The following ZDHHC13 variants were observed in gnomAD, a reference collection of about 807,000 sequenced individuals.
ZDHHC13 encodes the protein palmitoyltransferase ZDHHC13.
A neutral mutation model predicts 86.0 loss-of-function variants in ZDHHC13; 85 were observed. The ratio of observed to expected loss-of-function variants is 0.99; its 90% CI spans 0.83 to 1.18. The LOEUF is 1.18. ZDHHC13 is among the 50% of genes most tolerant of loss of function. The pLI is 0.00. For synonymous variants in ZDHHC13, 263 were observed against 246.4 expected (o/e 1.07, Z -0.63); for missense variants, 711 against 730.2 (o/e 0.97, Z 0.30).
At position 19,144,432 on chromosome 11, in the gene ZDHHC13, AGTGT is replaced by A. The variant is rs142248923; in HGVS notation, c.173+1340_173+1343del. The stretch of plus-strand genomic sequence containing the variant: ...CTGGGAAGGGCATAGAGAGCTATGG[AGTGT>A]GTGTGTGTGTGTGTGTGTGTGTGTG... On this transcript the variant is annotated intron_variant, in intron 2 of 16. Coordinates refer to ENST00000446113, the MANE Select transcript of ZDHHC13 (RefSeq NM_019028.3). Among the ~76,000 whole-genome samples, 573 of 143,108 alleles carry A rather than the reference AGTGT, an allele frequency of 4.0e-3. 3 individuals are homozygous for A. Among genetic ancestry groups the A allele is most frequent in the African/African-American group, 0.013 (503 of 38,986 alleles). The allele number at this position is 143,108 out of a possible 152,430, so 93.9% of individuals were successfully genotyped here.
chr11:19,173,667 C>T (rs1463993634), intron 16 of ZDHHC13, among the ~76,000 whole-genome samples: 2 of 152,098 alleles, frequency 1.3e-5, no homozygotes, highest in South Asian at 4.2e-4. Context: ...AAAGCAATGG[C>T]GAGTGGAAAG....
chr11:19,152,452 C>T, intron 7 of ZDHHC13, 107 bp from the exon 8 acceptor site: 8 of 1,445,952 alleles, frequency 5.5e-6, no homozygotes, highest in African/African-American at 1.4e-5. Context: ...AGCTGGCTAT[C>T]CTTGGAATAA....
intron 8 of ZDHHC13, among the ~76,000 whole-genome samples, chr11:19,154,741 C>G (rs1849710814): frequency 6.6e-6 from 1 of 152,170 alleles, no homozygotes; most frequent in Admixed American, 6.5e-5. Context: ...ACTCTCTTCC[C>G]TGGATTCCCT....
chr11:19,150,753 G>T lies in ZDHHC13; in HGVS notation c.546G>T (p.Gly182=), dbSNP rs137986677. Residue 182 remains glycine, a synonymous_variant, in exon 6 of 17, where the codon GGG becomes GGT. Coordinates refer to ENST00000446113, the MANE Select transcript of ZDHHC13 (RefSeq NM_019028.3). ...GTGTGAATATGACAGATGTAAATGGGCAGACACCTCTCATGTTATCAGCTC... is the reference window on the plus strand; with the variant it reads ...GTGTGAATATGACAGATGTAAATGGTCAGACACCTCTCATGTTATCAGCTC... ...GQSVNMTDVN[G]QTPLMLSAHK... 34 of 1,610,370 alleles carry T rather than the reference G, an allele frequency of 2.1e-5. No homozygotes were observed. The East Asian group carries it at 7.6e-4, about 36-fold the overall frequency.
rs142547457 is a variant in ZDHHC13 at position 19,133,840 on chromosome 11, T to C, written c.28-9138T>C. Among the ~76,000 whole-genome samples the C allele has an allele frequency of 6.5e-3, 982 of 150,578 alleles. 8 individuals carry two copies. The highest frequency in any genetic ancestry group is 0.023 in the African/African-American group (929 of 41,056). On this transcript the variant is annotated intron_variant, in intron 1 of 16. Transcript: ENST00000446113. ...CCGGGCAGTCTTCTAAGGTGCTGGC[T>C]CAGTTCTATATCTTGACTTAGGTAG...
At chr11:19,124,783 C>T (rs1848836863) in intron 1 of ZDHHC13, among the ~76,000 whole-genome samples, 1 of 151,874 alleles carries the variant, frequency 6.6e-6, no homozygotes, top group South Asian at 2.1e-4. Flanking sequence ...TGATTATTTA[C>T]CAGATAAATC....
chr11:19,140,922 G>T (rs1482376438), intron 1 of ZDHHC13, among the ~76,000 whole-genome samples: 10 of 111,322 alleles, frequency 9.0e-5, no homozygotes, highest in Non-Finnish European at 1.3e-4. Flanking sequence ...GTTGTGGGGT[G>T]GGGGGAGGGG....
intron 2 of ZDHHC13, 21 bp from the exon 3 acceptor site, chr11:19,146,160 C>G (rs1849458291): frequency 5.6e-6 from 8 of 1,429,728 alleles, no homozygotes; most frequent in Non-Finnish European, 5.6e-6. Flanking sequence ...ATCAATTATG[C>G]TTTTTTTTTT....
chr11:19,144,432 A>AGAGAGTGTGTGTGTGTGTGTGTGT (rs377410572), intron 2 of ZDHHC13, among the ~76,000 whole-genome samples: 2 of 143,074 alleles, frequency 1.4e-5, no homozygotes, highest in African/African-American at 5.1e-5. Flanking sequence ...AGAGCTATGG[A>AGAGAGTGTGTGTGTGTGTGTGTGT]GTGTGTGTGT....
intron 4 of ZDHHC13, 68 bp downstream of exon 4, chr11:19,147,741 G>T: frequency 3.3e-5 from 30 of 898,302 alleles, no homozygotes; most frequent in Non-Finnish European, 4.5e-5. Flanking sequence ...TAAAAAATCA[G>T]TTATAGACGA....
chr11:19,167,008 A>C (rs942879587), intron 14 of ZDHHC13: 1 of 152,408 alleles, frequency 6.6e-6, no homozygotes, highest in Admixed American at 6.5e-5. Flanking sequence ...GTTGACTAAG[A>C]AGGACAGGGT....
At chr11:19,155,753 A>G (rs376517141) in intron 8 of ZDHHC13, 43 bp from the exon 9 acceptor site, 7 of 1,594,754 alleles carry the variant, frequency 4.4e-6, no homozygotes, top group Non-Finnish European at 6.0e-6. Flanking sequence ...GATACTTAAG[A>G]GGTAAAATCC....
At chr11:19,139,479 G>T (rs1038850100) in intron 1 of ZDHHC13, among the ~76,000 whole-genome samples, 2 of 112,262 alleles carry the variant, frequency 1.8e-5, no homozygotes, top group Non-Finnish European at 2.1e-5. Flanking sequence ...TGTGAAAATG[G>T]CCCTAATGCC....
intron 1 of ZDHHC13, among the ~76,000 whole-genome samples, chr11:19,140,595 T>C (rs1186231169): frequency 6.6e-6 from 1 of 152,150 alleles, no homozygotes; most frequent in Non-Finnish European, 1.5e-5. Context: ...TAAATCATGC[T>C]GCTATAAAGA....
At chr11:19,168,969 G>GT in intron 14 of ZDHHC13, 1 of 985,382 alleles carries the variant, frequency 1.0e-6, no homozygotes. Context: ...CTGGAATGAT[G>GT]TGAGTTCCCT....
chr11:19,138,041 A>C (rs1382667296), intron 1 of ZDHHC13, among the ~76,000 whole-genome samples: 4 of 151,470 alleles, frequency 2.6e-5, no homozygotes, highest in Non-Finnish European at 4.4e-5. Context: ...AGCTAGCAGA[A>C]GGCAAGAAAT....
intron 1 of ZDHHC13, among the ~76,000 whole-genome samples, chr11:19,131,886 G>A (rs922916195): frequency 2.0e-5 from 3 of 152,166 alleles, no homozygotes; most frequent in East Asian, 1.9e-4. Context: ...TGCCTGCCTC[G>A]GCCTCCCAAA....
chr11:19,144,881 C>T (rs189193534), intron 2 of ZDHHC13, among the ~76,000 whole-genome samples: 5 of 152,140 alleles, frequency 3.3e-5, no homozygotes, highest in Admixed American at 6.6e-5. Flanking sequence ...TTTGGCAGGC[C>T]GAGGTGGGCA....
chr11:19,122,530 T>A (rs1310341354), intron 1 of ZDHHC13, among the ~76,000 whole-genome samples: 1 of 152,104 alleles, frequency 6.6e-6, no homozygotes, highest in Non-Finnish European at 1.5e-5. Context: ...GAAAATAATC[T>A]AATATATATT....
Sources: gnomAD v4.1 joint callset for allele counts (sites outside exome capture counted in the v4.1 genomes callset) on GRCh38, gnomAD v4.1.1 for gene constraint, MANE v1.5 for transcripts, NCBI Gene and HGNC (gene_info 2026-07-23, HGNC 2026-07-21) for gene names.